The following DMD variants were observed in gnomAD, a reference collection of about 807,000 sequenced individuals.
DMD encodes the protein mutant dystrophin.
Under a neutral mutation model 330.1 loss-of-function variants are expected in DMD, and 63 were observed. The ratio of observed to expected loss-of-function variants is 0.19; its 90% CI spans 0.16 to 0.24. The LOEUF is 0.24. Among genes scored for constraint, DMD ranks in the 10% least tolerant of loss-of-function variants. The pLI is 1.00. For missense variants in DMD, 3,344 were observed against 2,684.1 expected, an observed-to-expected ratio of 1.25 and a Z score of -5.43; for synonymous variants, 1,223 against 959.8, an observed-to-expected ratio of 1.27 and a Z score of -5.07.
chrX:31,367,803 T>A (rs1052138137), intron 60 of DMD, among the ~76,000 whole-genome samples: 58 of 111,762 alleles, frequency 5.2e-4, no homozygotes, highest in African/African-American at 1.7e-3. Flanking sequence ...CCCACGACAC[T>A]TACTGCACTG....
intron 7 of DMD, among the ~76,000 whole-genome samples, chrX:32,769,992 T>G (rs1375959782): frequency 8.9e-6 from 1 of 111,927 alleles, no homozygotes; most frequent in Non-Finnish European, 1.9e-5. Context: ...CATGAAGTAC[T>G]AAGGTAAGTG....
At chrX:32,770,499 A>G (rs2073488101) in intron 7 of DMD, among the ~76,000 whole-genome samples, 1 of 111,763 alleles carries the variant, frequency 8.9e-6, no homozygotes, top group African/African-American at 3.3e-5. Flanking sequence ...TTGATGATCA[A>G]TTGATGTATT....
At chrX:32,624,497 T>C (rs1312142645) in intron 11 of DMD, among the ~76,000 whole-genome samples, 1 of 111,948 alleles carries the variant, frequency 8.9e-6, no homozygotes. Flanking sequence ...ACATTTTTGA[T>C]ATATTGTTAG....
At chrX:32,421,786 A>G (rs1324623493) in intron 29 of DMD, among the ~76,000 whole-genome samples, 7 of 111,776 alleles carry the variant, frequency 6.3e-5, no homozygotes, top group Non-Finnish European at 1.3e-4. Context: ...GTGACGCTTT[A>G]ACTTGTAGGA....
At chrX:32,595,603 C>T (rs917697965) in intron 13 of DMD, among the ~76,000 whole-genome samples, 154 bp downstream of exon 13, 1 of 112,132 alleles carries the variant, frequency 8.9e-6, no homozygotes, top group African/African-American at 3.2e-5. Context: ...CTTTAAATCA[C>T]AGCACTTCAG....
chrX:31,914,820 C>T (rs2094588692), intron 47 of DMD, among the ~76,000 whole-genome samples: 3 of 111,791 alleles, frequency 2.7e-5, no homozygotes, highest in East Asian at 2.8e-4. Flanking sequence ...ACCCAGTATT[C>T]GATAGCACAA....
intron 2 of DMD, among the ~76,000 whole-genome samples, chrX:32,973,734 A>G (rs769879462): frequency 4.5e-5 from 5 of 112,082 alleles, no homozygotes; most frequent in African/African-American, 6.5e-5. Context: ...CATCCACGGC[A>G]TAATAAAGTA....
At chrX:32,580,981 C>CTGT (rs1340692539) in intron 13 of DMD, among the ~76,000 whole-genome samples, 5 of 110,530 alleles carry the variant, frequency 4.5e-5, no homozygotes. Context: ...TGTGAGACAC[C>CTGT]ACACCTGGCT....
chrX:33,048,379 C>A (rs1368982635), intron 1 of DMD, among the ~76,000 whole-genome samples: 1 of 111,043 alleles, frequency 9.0e-6, no homozygotes, highest in Admixed American at 9.7e-5. Flanking sequence ...GACCTTTACA[C>A]TGAAAATTGT....
At chrX:31,624,970 T>A (rs951761871) in intron 55 of DMD, among the ~76,000 whole-genome samples, 2 of 112,463 alleles carry the variant, frequency 1.8e-5, no homozygotes, top group Non-Finnish European at 3.8e-5. Context: ...TTTGTTGCTC[T>A]TCAACACCAG....
At chrX:32,996,274 GA>G (rs201030815) in intron 2 of DMD, among the ~76,000 whole-genome samples, 1 of 110,563 alleles carries the variant, frequency 9.0e-6, no homozygotes, top group Non-Finnish European at 1.9e-5. Context: ...AAAATAATGA[GA>G]AAAAAATGTT....
At chrX:31,740,443 T>C (rs1163532440) in intron 51 of DMD, among the ~76,000 whole-genome samples, 2 of 111,912 alleles carry the variant, frequency 1.8e-5, no homozygotes, top group African/African-American at 6.5e-5. Context: ...AAGAGAGACA[T>C]GAAACAATAT....
At position 32,595,787 on chromosome X, in the gene DMD, G is replaced by A. The variant is rs779611516; in HGVS notation, c.1572C>T (p.His524=). The A allele has an allele frequency of 2.1e-5, 25 of 1,208,137 alleles. No homozygotes were observed. The highest frequency in any genetic ancestry group is 2.3e-4 in the Middle Eastern group (1 of 4,371). The change falls in exon 13 of 79, where the codon CAC becomes CAT. Residue 524 remains histidine, a synonymous_variant. Transcript: ENST00000357033. Reference sequence around the variant, plus strand: ...GTTGTTCTTCCAAAGCAGCAGTTGCGTGATCTCCACTAGATTCATCAACTA... The same window carrying A: ...GTTGTTCTTCCAAAGCAGCAGTTGCATGATCTCCACTAGATTCATCAACTA... ...VVVVDESSGD[H]ATAALEEQLK...
intron 47 of DMD, among the ~76,000 whole-genome samples, chrX:31,880,974 C>G (rs1214185182): frequency 1.8e-5 from 2 of 111,393 alleles, no homozygotes; most frequent in Non-Finnish European, 3.8e-5. Flanking sequence ...TGAAGACCTT[C>G]CAGTGGGGGA....
intron 1 of DMD, among the ~76,000 whole-genome samples, chrX:33,218,176 C>T (rs1486338362): frequency 1.8e-5 from 2 of 111,230 alleles, no homozygotes; most frequent in East Asian, 2.8e-4. Flanking sequence ...GTTTTTTCCC[C>T]TCCATCAATT....
chrX:33,210,445 A>T (rs750803051), intron 1 of DMD, among the ~76,000 whole-genome samples: 8 of 111,016 alleles, frequency 7.2e-5, no homozygotes, highest in Non-Finnish European at 1.3e-4. Context: ...TAAATCCTTC[A>T]TTAGTCATCA....
intron 60 of DMD, among the ~76,000 whole-genome samples, chrX:31,441,608 T>A (rs771882201): frequency 1.0e-5 from 1 of 100,249 alleles, no homozygotes; most frequent in Admixed American, 1.0e-4. Flanking sequence ...CTAAATTCTT[T>A]ATTTTCATAG....
At chrX:31,697,270 T>C (rs951007337) in intron 52 of DMD, among the ~76,000 whole-genome samples, 2 of 111,948 alleles carry the variant, frequency 1.8e-5, no homozygotes, top group African/African-American at 6.5e-5. Context: ...ACCAAATTCA[T>C]CTGACATACA....
chrX:32,100,416 C>T (rs965120972), intron 44 of DMD, among the ~76,000 whole-genome samples: 10 of 106,974 alleles, frequency 9.3e-5, no homozygotes, highest in African/African-American at 2.4e-4. Context: ...TTAGCTACTA[C>T]GGAAAATGTA....
Sources: gnomAD v4.1 joint callset for allele counts (sites outside exome capture counted in the v4.1 genomes callset) on GRCh38, gnomAD v4.1.1 for gene constraint, MANE v1.5 for transcripts, NCBI Gene and HGNC (gene_info 2026-07-23, HGNC 2026-07-21) for gene names.